The following FGGY variants were observed in gnomAD, a reference collection of about 807,000 sequenced individuals.
FGGY encodes the protein FGGY carbohydrate kinase domain-containing protein.
Under a neutral mutation model 71.3 loss-of-function variants are expected in FGGY, and 72 were observed. The observed-to-expected ratio is 1.01, with a 90% CI of 0.84 to 1.23. FGGY has a LOEUF of 1.23. Ranked by LOEUF, FGGY falls within the 50% of genes most tolerant of loss-of-function variation. The pLI is 0.00. For synonymous variants in FGGY, 251 were observed against 250.3 expected, an observed-to-expected ratio of 1.00 and a Z score of -0.02; for missense variants, 668 against 682.3, an observed-to-expected ratio of 0.98 and a Z score of 0.23.
intron 4 of FGGY, among the ~76,000 whole-genome samples, chr1:59,359,113 G>A (rs2054909434): frequency 6.6e-6 from 1 of 152,144 alleles, no homozygotes; most frequent in African/African-American, 2.4e-5. Flanking sequence ...CCTAAGTAAA[G>A]CAAAGCAAGC....
intron 7 of FGGY, among the ~76,000 whole-genome samples, chr1:59,546,080 G>A (rs2095515276): frequency 6.6e-6 from 1 of 152,156 alleles, no homozygotes; most frequent in Admixed American, 6.5e-5. Flanking sequence ...GTTATGCCAA[G>A]CCTTGCTATT....
chr1:59,490,333 A>T (rs540068033), intron 6 of FGGY, among the ~76,000 whole-genome samples: 1 of 152,322 alleles, frequency 6.6e-6, no homozygotes, highest in South Asian at 2.1e-4. Context: ...TACAGGCGTG[A>T]GTCACCATTT....
intron 1 of FGGY, 99 bp from the exon 2 acceptor site, chr1:59,321,437 G>A: frequency 9.5e-7 from 1 of 1,051,788 alleles, no homozygotes; most frequent in Non-Finnish European, 1.4e-6. Context: ...CTACCGGTTA[G>A]GTAGCGGTAC....
At chr1:59,529,212 A>G (rs1034489438) in intron 7 of FGGY, among the ~76,000 whole-genome samples, 4 of 152,276 alleles carry the variant, frequency 2.6e-5, no homozygotes, top group African/African-American at 9.6e-5. Flanking sequence ...ATTGAGTTCT[A>G]CAGGAATTTT....
At chr1:59,675,079 A>G (rs1233504796) in intron 14 of FGGY, among the ~76,000 whole-genome samples, 2 of 152,228 alleles carry the variant, frequency 1.3e-5, no homozygotes, top group East Asian at 3.8e-4. Flanking sequence ...AACCTGAGGC[A>G]TAAAGAAGTT....
Position 59,646,947 on chromosome 1 carries a change from G to T in FGGY, c.1221+8572G>T, listed in dbSNP as rs568053314. On this transcript the variant is annotated intron_variant, in intron 11 of 15. Transcript: ENST00000303721. ...TGGCATCTTTCTTTTTCATTTTAAT[G>T]ACTTTTTAAATTCTATCACAGAATC... Among the ~76,000 whole-genome samples the T allele has an allele frequency of 2.0e-5, 3 of 152,148 alleles. No homozygotes were observed. The South Asian group carries it at 6.2e-4, about 32-fold the overall frequency.
At chr1:59,497,337 C>T (rs181173642) in intron 6 of FGGY, among the ~76,000 whole-genome samples, 1 of 152,308 alleles carries the variant, frequency 6.6e-6, no homozygotes, top group Admixed American at 6.5e-5. Context: ...CCTATAATCC[C>T]AGCACTTTGC....
chr1:59,595,638 C>T (rs1246137942), intron 8 of FGGY, among the ~76,000 whole-genome samples: 4 of 151,900 alleles, frequency 2.6e-5, no homozygotes, highest in African/African-American at 9.7e-5. Context: ...TGCAGTGAGC[C>T]GAGATCGCGC....
chr1:59,305,853 G>A (rs980825067), intron 1 of FGGY, among the ~76,000 whole-genome samples: 5 of 152,118 alleles, frequency 3.3e-5, no homozygotes, highest in Non-Finnish European at 5.9e-5. Flanking sequence ...AATACTTGGG[G>A]AGTACCTTTG....
chr1:59,496,970 A>G (rs192796150), intron 6 of FGGY, among the ~76,000 whole-genome samples: 1 of 152,328 alleles, frequency 6.6e-6, no homozygotes, highest in East Asian at 1.9e-4. Flanking sequence ...TTAAGGCAAC[A>G]TGACAATTAT....
rs149586803 is a variant in FGGY at position 59,672,838 on chromosome 1, T to G, written c.1418-1201T>G. Among the ~76,000 whole-genome samples the G allele has an allele frequency of 1.3e-3, 194 of 152,344 alleles. 1 individual carries two copies. Among genetic ancestry groups the G allele is most frequent in the African/African-American group, 4.6e-3 (190 of 41,582 alleles). ...GTAAAGTTTGCTGCCATCTCCCGAT[T>G]AGCAGACTAATCTATACATTATAGA... is the stretch of plus-strand genomic sequence containing the variant. On this transcript the variant is annotated intron_variant, in intron 13 of 15. Transcript: ENST00000303721.
intron 14 of FGGY, among the ~76,000 whole-genome samples, chr1:59,694,486 G>A (rs1175058081): frequency 6.6e-6 from 1 of 151,942 alleles, no homozygotes; most frequent in Non-Finnish European, 1.5e-5. Context: ...CAGTATGCAT[G>A]CCTGCTCTGA....
chr1:59,754,380 CT>C (rs138681831), intron 14 of FGGY, among the ~76,000 whole-genome samples: 7,036 of 148,162 alleles, frequency 0.047, 283 homozygotes, highest in East Asian at 0.15. Flanking sequence ...GAATCCTTTC[CT>C]TTTTTTTTTG....
chr1:59,628,905 T>A (rs2096883191), intron 10 of FGGY, among the ~76,000 whole-genome samples: 1 of 152,308 alleles, frequency 6.6e-6, no homozygotes, highest in East Asian at 1.9e-4. Flanking sequence ...GTAAAGGGAA[T>A]AATAGTAAAC....
chr1:59,756,650 C>A (rs1339656279), intron 14 of FGGY, among the ~76,000 whole-genome samples: 1 of 152,164 alleles, frequency 6.6e-6, no homozygotes, highest in African/African-American at 2.4e-5. Flanking sequence ...TATGAATAGT[C>A]CAGGTGTCGA....
chr1:59,606,702 C>T (rs1164235567), intron 8 of FGGY, among the ~76,000 whole-genome samples: 2 of 152,170 alleles, frequency 1.3e-5, no homozygotes. Context: ...GAGCTAGCAA[C>T]TCAGGGAAAT....
intron 9 of FGGY, among the ~76,000 whole-genome samples, chr1:59,618,068 C>A (rs1048908258): frequency 6.6e-6 from 1 of 152,074 alleles, no homozygotes; most frequent in Non-Finnish European, 1.5e-5. Context: ...CCTTCCATCG[C>A]GTTACAGAGA....
chr1:59,375,886 T>TC (rs2058587384), intron 4 of FGGY, among the ~76,000 whole-genome samples: 1 of 151,062 alleles, frequency 6.6e-6, no homozygotes. Flanking sequence ...GTAGTTTTTT[T>TC]TTTTTTTTTT....
chr1:59,692,743 T>C (rs2154004616), intron 14 of FGGY, among the ~76,000 whole-genome samples: 1 of 152,182 alleles, frequency 6.6e-6, no homozygotes, highest in Non-Finnish European at 1.5e-5. Flanking sequence ...AATAATAAAC[T>C]ATCACCATAG....
Sources: gnomAD v4.1 joint callset for allele counts (sites outside exome capture counted in the v4.1 genomes callset) on GRCh38, gnomAD v4.1.1 for gene constraint, MANE v1.5 for transcripts, NCBI Gene and HGNC (gene_info 2026-07-23, HGNC 2026-07-21) for gene names.